CFAP100: variants seen among roughly 807,000 people sequenced by gnomAD.
CFAP100 encodes the protein cilia and flagella associated protein 100, also known as cilia- and flagella-associated protein 100.
A neutral mutation model predicts 81.5 loss-of-function variants in CFAP100; 70 were observed. The ratio of observed to expected loss-of-function variants is 0.86; its 90% CI spans 0.71 to 1.05. CFAP100 has a LOEUF of 1.05. Among genes scored for constraint, CFAP100 ranks in the 50% least tolerant of loss-of-function variants. CFAP100 has a pLI of 0.00. For synonymous variants in CFAP100, 341 were observed against 314.8 expected (o/e 1.08, Z -0.88); for missense variants, 811 against 776.5 (o/e 1.04, Z -0.53).
intron 2 of CFAP100, among the ~76,000 whole-genome samples, chr3:126,405,848 C>A (rs544589247): frequency 6.6e-6 from 1 of 151,794 alleles, no homozygotes; most frequent in Non-Finnish European, 1.5e-5. Context: ...AGTGCAGTGG[C>A]GCAATTATGG....
At chr3:126,397,379 A>G (rs1273875290) in intron 2 of CFAP100, among the ~76,000 whole-genome samples, 1 of 152,222 alleles carries the variant, frequency 6.6e-6, no homozygotes, top group Non-Finnish European at 1.5e-5. Context: ...TTTTAAAATG[A>G]AGAAGGGCTG....
At position 126,419,911 on chromosome 3, in the gene CFAP100, G is replaced by A. The variant is rs548853136; in HGVS notation, c.914-69G>A. ...GCTGGCAGGTTACCTGCAGGCATCT[G>A]GGCCACATGGCGTTGCTGAAGCTTG... On this transcript the variant is annotated intron_variant, in intron 9 of 16. Transcript: ENST00000352312. 38 of 1,611,894 alleles carry A rather than the reference G, an allele frequency of 2.4e-5. No homozygotes were observed. In the African/African-American group the frequency reaches 4.9e-4, roughly 21 times the overall value.
Position 126,396,061 on chromosome 3 carries a change from G to A in CFAP100, c.49+12G>A. Reference sequence around the variant, plus strand: ...CATGACCAATGACAGTAAGTACCGGGCCAGGGTGGGCACTCTCAGAGGTCA... The same window carrying A: ...CATGACCAATGACAGTAAGTACCGGACCAGGGTGGGCACTCTCAGAGGTCA... On this transcript the variant is annotated intron_variant, in intron 2 of 16. Transcript: ENST00000352312. 6.2e-7 allele frequency: 1 copy of A among 1,611,718 alleles called. No individual in the cohort carries two copies. Among genetic ancestry groups the A allele is most frequent in the Non-Finnish European group, 8.5e-7 (1 of 1,177,794 alleles).
intron 13 of CFAP100, 47 bp from the exon 14 acceptor site, chr3:126,433,022 G>C: frequency 6.2e-7 from 1 of 1,609,592 alleles, no homozygotes; most frequent in African/African-American, 1.3e-5. Flanking sequence ...GATGTGCCCA[G>C]GGCTGTGCTG....
intron 14 of CFAP100, chr3:126,433,824 T>G (rs1576650952): frequency 1.3e-5 from 3 of 232,184 alleles, no homozygotes; most frequent in East Asian, 2.2e-4. Context: ...GGAGGGGCTG[T>G]TATCTGTTTT....
chr3:126,422,933 G>A (rs967762356), intron 11 of CFAP100, among the ~76,000 whole-genome samples: 4 of 152,202 alleles, frequency 2.6e-5, no homozygotes, highest in Admixed American at 2.0e-4. Flanking sequence ...GAGGGGCTGG[G>A]GAAGGGGAGG....
chr3:126,414,873 G>A (rs1047533121), intron 4 of CFAP100, among the ~76,000 whole-genome samples: 8 of 152,130 alleles, frequency 5.3e-5, no homozygotes, highest in African/African-American at 1.7e-4. Context: ...CCATCACCTC[G>A]CCCTGACTCA....
In CFAP100 at chr3:126,433,167, G is replaced by A. The variant is rs767440483; in HGVS notation, c.1385G>A (p.Arg462Gln). The A allele has an allele frequency of 6.0e-5, 97 of 1,614,096 alleles. No homozygotes were observed. Among genetic ancestry groups the A allele is most frequent in the Non-Finnish European group, 6.4e-5 (76 of 1,180,058 alleles). Residue 462 changes from arginine to glutamine, a missense_variant, in exon 14 of 17, where the codon CGA becomes CAA. Transcript: ENST00000352312. Reference sequence around the variant, plus strand: ...GCAGCTGAGCTGGAGCTCAAAGCCCGAGTCTTCCACTTCGGCGAGTACAAG... The same window carrying A: ...GCAGCTGAGCTGGAGCTCAAAGCCCAAGTCTTCCACTTCGGCGAGTACAAG... ...DTAAELELKA[R>Q]VFHFGEYKGD...
At chr3:126,402,432 A>G (rs2083000086) in intron 2 of CFAP100, among the ~76,000 whole-genome samples, 1 of 152,176 alleles carries the variant, frequency 6.6e-6, no homozygotes, top group Non-Finnish European at 1.5e-5. Flanking sequence ...AGGAGCCTCC[A>G]CTGTGGAATC....
In CFAP100 at chr3:126,420,223, C is replaced by A. The variant is rs564907952; in HGVS notation, c.1076C>A (p.Ser359Tyr). The A allele has an allele frequency of 6.2e-7, 1 of 1,611,896 alleles. No homozygotes were observed. Among genetic ancestry groups the A allele is most frequent in the African/African-American group, 1.3e-5 (1 of 74,778 alleles). ...SQPSESSGGD[S>Y]RGSNSPIPPT... ...CCCAGCGAGTCCAGCGGTGGCGACT[C>A]CAGAGGGTGAGTGGGCTCGGGTGGT... is the stretch of plus-strand genomic sequence containing the variant. Residue 359 changes from serine (S) to tyrosine (Y), a missense_variant, in exon 11 of 17, where the codon TCC (serine) becomes TAC (tyrosine). Coordinates refer to ENST00000352312, the MANE Select transcript of CFAP100 (RefSeq NM_182628.3).
chr3:126,414,275 C>T (rs2107600242), intron 4 of CFAP100, 96 bp downstream of exon 4: 4 of 852,574 alleles, frequency 4.7e-6, no homozygotes, highest in Admixed American at 1.7e-5. Context: ...GGAGCACTTT[C>T]CTCAGGTCCT....
intron 4 of CFAP100, among the ~76,000 whole-genome samples, chr3:126,415,068 C>A (rs1201007304): frequency 6.6e-6 from 1 of 152,140 alleles, no homozygotes; most frequent in Non-Finnish European, 1.5e-5. Context: ...GACTCTCTGA[C>A]CCACGCCTTG....
At chr3:126,396,707 C>T (rs967457804) in intron 2 of CFAP100, 10 of 152,264 alleles carry the variant, frequency 6.6e-5, no homozygotes, top group African/African-American at 2.4e-4. Context: ...CCCCTCTGAC[C>T]ACAAATGCCA....
In CFAP100 at chr3:126,418,770, A is replaced by G. The variant is rs143508979; in HGVS notation, c.646A>G (p.Arg216Gly). ...TGACTGCAGCTCCGTGCAGGCCATG[A>G]GAGCGTGAGCCTGCGGGCCCGAGGG... ...ENDCSSVQAMRAAEKETKAKI... is the reference protein window; with the variant it reads ...ENDCSSVQAMGAAEKETKAKI... The change falls in exon 7 of 17, where the codon AGA becomes GGA. Residue 216 changes from arginine to glycine, a missense_variant. Transcript: ENST00000352312. 2.6e-5 allele frequency: 41 copies of G among 1,589,126 alleles called. No homozygotes were observed. In the African/African-American group the frequency reaches 5.4e-4, roughly 21 times the overall value.
At chr3:126,432,980 G>A (rs982946071) in intron 13 of CFAP100, 89 bp from the exon 14 acceptor site, 108 of 1,496,924 alleles carry the variant, frequency 7.2e-5, no homozygotes, top group Admixed American at 1.3e-4. Flanking sequence ...GCTGGTAGGG[G>A]CAAAGCACTG....
intron 13 of CFAP100, among the ~76,000 whole-genome samples, chr3:126,424,528 T>C (rs1379068915): frequency 1.3e-5 from 2 of 152,216 alleles, no homozygotes; most frequent in Non-Finnish European, 2.9e-5. Flanking sequence ...CCAGGAGAAC[T>C]GGGCAGGGCA....
At chr3:126,436,139 T>A (rs1933435725) in intron 16 of CFAP100, 152 bp from the exon 17 acceptor site, 1 of 603,428 alleles carries the variant, frequency 1.7e-6, no homozygotes, top group Admixed American at 2.9e-5. Flanking sequence ...CCCAGTTATT[T>A]CAGAGTTAAC....
intron 2 of CFAP100, among the ~76,000 whole-genome samples, chr3:126,401,701 A>G (rs4679117): frequency 0.91 from 137,033 of 150,896 alleles, 62,485 homozygotes; most frequent in African/African-American, 0.94. Flanking sequence ...GAGGGGGAGG[A>G]GATGGAGGGA....
chr3:126,411,587 C>T (rs906103767), intron 3 of CFAP100, among the ~76,000 whole-genome samples: 3 of 151,568 alleles, frequency 2.0e-5, no homozygotes, highest in South Asian at 2.1e-4. Flanking sequence ...GATTCAATCT[C>T]GCTACTTGTT....
Sources: gnomAD v4.1 joint callset for allele counts (sites outside exome capture counted in the v4.1 genomes callset) on GRCh38, gnomAD v4.1.1 for gene constraint, MANE v1.5 for transcripts, NCBI Gene and HGNC (gene_info 2026-07-23, HGNC 2026-07-21) for gene names.